The following CASP5 variants were observed in gnomAD, a reference collection of about 807,000 sequenced individuals.
The protein encoded by CASP5 is caspase-5.
A neutral mutation model predicts 45.2 loss-of-function variants in CASP5; 42 were observed. The observed-to-expected ratio is 0.93, with a 90% CI of 0.73 to 1.20. CASP5 has a LOEUF of 1.20. CASP5 is among the 50% of genes most tolerant of loss of function. CASP5 has a pLI of 0.00. For missense variants in CASP5, 512 were observed against 532.2 expected (o/e 0.96, Z 0.37); for synonymous variants, 209 against 186.2 (o/e 1.12, Z -1.00).
At chr11:105,014,131 C>A (rs942282557) in intron 1 of CASP5, among the ~76,000 whole-genome samples, 1 of 152,134 alleles carries the variant, frequency 6.6e-6, no homozygotes, top group South Asian at 2.1e-4. Flanking sequence ...TTATTCTAAC[C>A]TAGGCCTTCT....
intron 6 of CASP5, among the ~76,000 whole-genome samples, chr11:105,000,030 C>T (rs1334840649): frequency 6.6e-6 from 1 of 152,184 alleles, no homozygotes; most frequent in Non-Finnish European, 1.5e-5. Context: ...CTGATGATCT[C>T]CTTCACCACT....
At chr11:104,998,229 G>C (rs1338552133) in intron 7 of CASP5, among the ~76,000 whole-genome samples, 1 of 152,124 alleles carries the variant, frequency 6.6e-6, no homozygotes, top group African/African-American at 2.4e-5. Context: ...CATTAAATAT[G>C]TACAGTTTTC....
intron 8 of CASP5, 63 bp from the exon 9 acceptor site, chr11:104,995,905 C>T (rs1861449999): frequency 9.7e-7 from 1 of 1,029,952 alleles, no homozygotes; most frequent in East Asian, 2.4e-5. Flanking sequence ...CATCTTACAC[C>T]ATGAACCAGG....
At chr11:105,009,198 T>C (rs953441529) in intron 1 of CASP5, 7 of 586,550 alleles carry the variant, frequency 1.2e-5, no homozygotes, top group African/African-American at 9.4e-5. Context: ...CTTAAGTTTG[T>C]TTTTTATAGC....
intron 4 of CASP5, among the ~76,000 whole-genome samples, chr11:105,003,041 A>T (rs1021596971): frequency 2.1e-3 from 1 of 466 alleles, no homozygotes; most frequent in African/African-American, 2.6e-3. Context: ...TACAAAAATT[A>T]AAAAAAAAAT....
intron 1 of CASP5, among the ~76,000 whole-genome samples, chr11:105,009,809 A>G (rs1862218729): frequency 9.8e-6 from 1 of 101,782 alleles, no homozygotes; most frequent in Admixed American, 9.1e-5. Context: ...ATATATATAC[A>G]CACACATATA....
Position 105,009,668 on chromosome 11 carries a change from T to G in CASP5, c.8-688A>C, listed in dbSNP as rs550790237. On this transcript the variant is annotated intron_variant, in intron 1 of 9. Transcript: ENST00000260315. Reference sequence around the variant, plus strand: ...AGATTAATATAATACTGAGTTAATGTATTACTCCTTGGTATAATTCAGATT... The same window carrying G: ...AGATTAATATAATACTGAGTTAATGGATTACTCCTTGGTATAATTCAGATT... Among the ~76,000 whole-genome samples the G allele has an allele frequency of 1.0e-3, 147 of 145,056 alleles. 2 individuals carry two copies. In the South Asian group the frequency reaches 0.03, roughly 30 times the overall value.
At chr11:105,005,506 C>T (rs1380562575) in intron 3 of CASP5, among the ~76,000 whole-genome samples, 1 of 152,042 alleles carries the variant, frequency 6.6e-6, no homozygotes, top group Non-Finnish European at 1.5e-5. Flanking sequence ...AAGGCCTAGC[C>T]AAGGCCTGTA....
In CASP5 at chr11:105,016,397, C is replaced by T. The variant is rs143332422; in HGVS notation, c.7+6733G>A. Among the ~76,000 whole-genome samples the T allele has an allele frequency of 3.8e-3, 585 of 152,220 alleles. 2 individuals are homozygous for T. Among genetic ancestry groups the T allele is most frequent in the African/African-American group, 0.013 (545 of 41,532 alleles). ...ATTTCTGCATTTCCATCTGAGGTAC[C>T]GGGTTCATCTCACTAAGGAGTGCCA... On this transcript the variant is annotated intron_variant, in intron 1 of 9. Coordinates refer to ENST00000260315, the MANE Select transcript of CASP5 (RefSeq NM_004347.5).
chr11:105,016,972 C>A (rs543487172), intron 1 of CASP5, among the ~76,000 whole-genome samples: 226 of 150,348 alleles, frequency 1.5e-3, no homozygotes, highest in Admixed American at 3.6e-3. Context: ...AACGGGCAGA[C>A]TGCCTCCTCA....
chr11:105,018,504 C>G (rs1862757327), intron 1 of CASP5, among the ~76,000 whole-genome samples: 4 of 148,042 alleles, frequency 2.7e-5, no homozygotes, highest in Admixed American at 1.4e-4. Context: ...GGGTTGCAGT[C>G]CTAGTCTCTG....
At chr11:105,022,616 T>C (rs1406670316) in intron 1 of CASP5, among the ~76,000 whole-genome samples, 1 of 152,092 alleles carries the variant, frequency 6.6e-6, no homozygotes. Flanking sequence ...TAAGATATAT[T>C]ACATTATAAG....
At chr11:105,015,210 G>A (rs1377208140) in intron 1 of CASP5, among the ~76,000 whole-genome samples, 30 of 152,114 alleles carry the variant, frequency 2.0e-4, no homozygotes, top group Admixed American at 2.0e-3. Context: ...ACAGACATTA[G>A]ACCAAAAGAA....
rs183407604 is a variant in CASP5, at chr11:105,001,461, T to G, written c.717+567A>C. Among the ~76,000 whole-genome samples, 404 of 152,254 alleles carry G rather than the reference T, an allele frequency of 2.7e-3. 1 individual carries two copies. Among genetic ancestry groups the G allele is most frequent in the African/African-American group, 8.8e-3 (364 of 41,544 alleles). ...GCGGGCAGATCACGAGGTCAGGAGA[T>G]CGAGACCATCCTGGCTAACAAGGTG... On this transcript the variant is annotated intron_variant, in intron 5 of 9. Transcript: ENST00000260315.
At chr11:105,002,591 T>C (rs916118191) in intron 4 of CASP5, among the ~76,000 whole-genome samples, 2 of 152,224 alleles carry the variant, frequency 1.3e-5, no homozygotes, top group Non-Finnish European at 2.9e-5. Context: ...TTTAAAAACA[T>C]AAACTTACAA....
chr11:105,005,352 ATATATGTGTGTGTGTG>A (rs1223222012), intron 3 of CASP5, among the ~76,000 whole-genome samples: 3,575 of 132,004 alleles, frequency 0.027, 129 homozygotes, highest in African/African-American at 0.088. Context: ...GTGTGTATAT[ATATATGTGTGTGTGTG>A]TGTGTGTGTG....
At chr11:104,999,497 TA>T (rs544756402) in intron 6 of CASP5, among the ~76,000 whole-genome samples, 156 of 152,318 alleles carry the variant, frequency 1.0e-3, no homozygotes, top group Non-Finnish European at 1.8e-3. Context: ...ATCAACTTTT[TA>T]TACACTGATG....
rs1861362418 is a variant in CASP5, at chr11:104,994,348, C to T, written c.*5-1G>A. 6.6e-6 allele frequency: 1 copy of T among 152,258 alleles called. No individual in the cohort carries two copies. 9.4% of individuals were successfully genotyped at this position (152,258 alleles called of 1,614,324 possible). A position where few individuals can be genotyped will look rare whatever the true frequency, so the allele number is the denominator to read the frequency against. Reference sequence around the variant, plus strand: ...GGAGGGCTGGGCTGCCTGTGGTTTCCTGCAGAAGAGAGAAAGGACAGAAGG... The same window carrying T: ...GGAGGGCTGGGCTGCCTGTGGTTTCTTGCAGAAGAGAGAAAGGACAGAAGG... On this transcript the variant is annotated splice_acceptor_variant, in intron 9 of 9. Coordinates refer to ENST00000260315, the MANE Select transcript of CASP5 (RefSeq NM_004347.5). LOFTEE classifies it low-confidence loss of function (3UTR_SPLICE).
rs113780778 is a variant in CASP5, at chr11:105,004,131, A to G, written c.434-748T>C. Among the ~76,000 whole-genome samples, 16 of 152,298 alleles carry G rather than the reference A, an allele frequency of 1.1e-4. 1 individual carries two copies. The highest frequency in any genetic ancestry group is 3.8e-4 in the African/African-American group (16 of 41,578). On this transcript the variant is annotated intron_variant, in intron 3 of 9. Transcript: ENST00000260315. Reference sequence around the variant, plus strand: ...AAGAAATAAGCTTCAGTTATCTTTCAACAAATTGTGAAATCACCTATTTAT... The same window carrying G: ...AAGAAATAAGCTTCAGTTATCTTTCGACAAATTGTGAAATCACCTATTTAT...
Sources: allele counts gnomAD v4.1 joint callset (sites outside exome capture counted in the v4.1 genomes callset), GRCh38; gene constraint gnomAD v4.1.1; transcripts MANE v1.5; gene names NCBI Gene and HGNC (gene_info 2026-07-23, HGNC 2026-07-21).